HS6ST3: variants seen among roughly 807,000 people sequenced by gnomAD.
The protein encoded by HS6ST3 is heparan-sulfate 6-O-sulfotransferase 3.
HS6ST3 carries 12 observed loss-of-function variants against 36.7 expected under a neutral mutation model. That is an observed-to-expected ratio of 0.33 (90% confidence interval 0.21 to 0.53). The LOEUF is 0.53. Among genes scored for constraint, HS6ST3 ranks in the 20% least tolerant of loss-of-function variants. The pLI is 0.95. For synonymous variants in HS6ST3, 240 were observed against 257.5 expected, an observed-to-expected ratio of 0.93 and a Z score of 0.65; for missense variants, 584 against 640.9, an observed-to-expected ratio of 0.91 and a Z score of 0.96.
intron 1 of HS6ST3, among the ~76,000 whole-genome samples, chr13:96,252,866 A>T (rs1037381457): frequency 6.6e-6 from 1 of 151,982 alleles, no homozygotes; most frequent in African/African-American, 2.4e-5. Flanking sequence ...CATGAGTCAA[A>T]GCTCCCTGAG....
chr13:96,232,263 G>A (rs1465200968), intron 1 of HS6ST3, among the ~76,000 whole-genome samples: 2 of 152,250 alleles, frequency 1.3e-5, no homozygotes, highest in Admixed American at 1.3e-4. Context: ...AGTAGGTGTT[G>A]GGATGGATGG....
chr13:96,148,213 A>G (rs1046092722), intron 1 of HS6ST3, among the ~76,000 whole-genome samples: 8 of 152,220 alleles, frequency 5.3e-5, no homozygotes, highest in Non-Finnish European at 7.3e-5. Context: ...TAACTAGTCT[A>G]TGGTAAAATT....
At chr13:96,194,782 C>G (rs914916694) in intron 1 of HS6ST3, among the ~76,000 whole-genome samples, 1 of 152,006 alleles carries the variant, frequency 6.6e-6, no homozygotes, top group Non-Finnish European at 1.5e-5. Context: ...TCACTCACCC[C>G]CAAGCCTCTG....
chr13:96,229,174 C>T (rs1365366283), intron 1 of HS6ST3, among the ~76,000 whole-genome samples: 1 of 152,026 alleles, frequency 6.6e-6, no homozygotes, highest in African/African-American at 2.4e-5. Context: ...GCTGAAAAAC[C>T]CAGGAGGGGT....
At chr13:96,447,575 G>A (rs748630057) in intron 1 of HS6ST3, among the ~76,000 whole-genome samples, 4 of 152,082 alleles carry the variant, frequency 2.6e-5, no homozygotes, top group African/African-American at 7.2e-5. Context: ...CCTTCTTCTT[G>A]CCCTTGGCCT....
At chr13:96,650,886 CCTGT>C (rs1566420735) in intron 1 of HS6ST3, among the ~76,000 whole-genome samples, 1 of 152,044 alleles carries the variant, frequency 6.6e-6, no homozygotes, top group African/African-American at 2.4e-5. Flanking sequence ...AATTTCTACT[CCTGT>C]CTAAGTCCCT....
At chr13:96,453,191 A>AG (rs1486594485) in intron 1 of HS6ST3, among the ~76,000 whole-genome samples, 3 of 151,984 alleles carry the variant, frequency 2.0e-5, no homozygotes, top group Non-Finnish European at 4.4e-5. Flanking sequence ...AAAAAAAAAA[A>AG]AAAAAGAAAA....
intron 1 of HS6ST3, among the ~76,000 whole-genome samples, chr13:96,661,991 T>C (rs1175772651): frequency 2.0e-5 from 3 of 152,204 alleles, no homozygotes; most frequent in Non-Finnish European, 4.4e-5. Context: ...ATTTCCTTTA[T>C]AGATAATTTG....
intron 1 of HS6ST3, among the ~76,000 whole-genome samples, chr13:96,766,904 G>A (rs530818253): frequency 6.6e-6 from 1 of 152,132 alleles, no homozygotes; most frequent in Non-Finnish European, 1.5e-5. Context: ...TAACAAACAG[G>A]CTCATTCTGA....
intron 1 of HS6ST3, among the ~76,000 whole-genome samples, chr13:96,330,278 T>C (rs1269910741): frequency 1.1e-3 from 164 of 152,002 alleles, no homozygotes; most frequent in African/African-American, 3.5e-3. Context: ...TTCCTAGTCT[T>C]GATGGTCTTT....
intron 1 of HS6ST3, among the ~76,000 whole-genome samples, chr13:96,309,329 A>G (rs991641969): frequency 3.3e-5 from 5 of 152,168 alleles, no homozygotes. Context: ...TTGAATGGTG[A>G]TAATCAACAT....
chr13:96,107,632 T>A (rs147473651), intron 1 of HS6ST3, among the ~76,000 whole-genome samples: 1 of 152,262 alleles, frequency 6.6e-6, no homozygotes, highest in African/African-American at 2.4e-5. Flanking sequence ...CTGTGGGAAG[T>A]GTTGCAGGAA....
chr13:96,433,619 A>G (rs528860504), intron 1 of HS6ST3, among the ~76,000 whole-genome samples: 2 of 152,272 alleles, frequency 1.3e-5, no homozygotes, highest in South Asian at 2.1e-4. Context: ...TTCCCCAGCC[A>G]TGTGGAACTG....
chr13:96,123,198 A>G (rs1371199806), intron 1 of HS6ST3, among the ~76,000 whole-genome samples: 1 of 152,130 alleles, frequency 6.6e-6, no homozygotes, highest in Non-Finnish European at 1.5e-5. Flanking sequence ...AATATTCCCT[A>G]TGAATTTTGC....
intron 1 of HS6ST3, among the ~76,000 whole-genome samples, chr13:96,127,123 G>A (rs1167532913): frequency 6.6e-6 from 1 of 152,146 alleles, no homozygotes; most frequent in African/African-American, 2.4e-5. Context: ...TTCATCTGTT[G>A]AAGCCCTACC....
chr13:96,772,099 G>A (rs1415680678), intron 1 of HS6ST3, among the ~76,000 whole-genome samples: 1 of 152,180 alleles, frequency 6.6e-6, no homozygotes, highest in Non-Finnish European at 1.5e-5. Context: ...TTTTATATGG[G>A]AAATAGAATG....
intron 1 of HS6ST3, among the ~76,000 whole-genome samples, chr13:96,342,385 A>G (rs11616292): frequency 5.1e-4 from 78 of 152,326 alleles, no homozygotes; most frequent in Middle Eastern, 6.8e-3. Flanking sequence ...TAGGTATCTA[A>G]TACTATGCCT....
At chr13:96,346,967 C>T (rs1322419404) in intron 1 of HS6ST3, among the ~76,000 whole-genome samples, 2 of 152,072 alleles carry the variant, frequency 1.3e-5, no homozygotes, top group African/African-American at 4.8e-5. Context: ...GGAGAGGTCC[C>T]CATGGCAAAT....
chr13:96,776,800 C>T (rs1266628419), intron 1 of HS6ST3, among the ~76,000 whole-genome samples: 1 of 152,110 alleles, frequency 6.6e-6, no homozygotes, highest in Non-Finnish European at 1.5e-5. Flanking sequence ...GAAACTATTC[C>T]AAACAATAGA....
Sources: allele counts gnomAD v4.1 joint callset (sites outside exome capture counted in the v4.1 genomes callset), GRCh38; gene constraint gnomAD v4.1.1; transcripts MANE v1.5; gene names NCBI Gene and HGNC (gene_info 2026-07-23, HGNC 2026-07-21).